Variants in GOLGA4 observed in about 807,000 individuals in gnomAD.
GOLGA4 encodes golgin subfamily A member 4.
In GOLGA4, 169 loss-of-function variants were observed where a neutral mutation model predicts 265.9. That is an observed-to-expected ratio of 0.64 (90% CI 0.56 to 0.72). The LOEUF (loss-of-function observed/expected upper bound fraction) is 0.72, where lower values mean the gene tolerates loss of function less well. Ranked by LOEUF, GOLGA4 falls within the 30% of genes least tolerant of loss-of-function variation. The pLI is 0.00. For synonymous variants in GOLGA4, 923 were observed against 855.8 expected (o/e 1.08, Z -1.37); for missense variants, 2,482 against 2,483.4 (o/e 1.00, Z 0.01).
intron 2 of GOLGA4, among the ~76,000 whole-genome samples, chr3:37,260,925 G>A (rs2096768062): frequency 6.6e-6 from 1 of 151,892 alleles, no homozygotes; most frequent in Non-Finnish European, 1.5e-5. Context: ...CCGGCAATTT[G>A]GGAGGCTGCA....
intron 2 of GOLGA4, among the ~76,000 whole-genome samples, chr3:37,258,046 C>CATATAT (rs201201581): frequency 2.6e-5 from 1 of 38,256 alleles, no homozygotes; most frequent in African/African-American, 1.3e-4. Flanking sequence ...TATATACATA[C>CATATAT]ATATATATAT....
chr3:37,276,567 A>G, intron 2 of GOLGA4: 1 of 1,594,104 alleles, frequency 6.3e-7, no homozygotes, highest in Non-Finnish European at 8.6e-7. Flanking sequence ...GTTGTCTGTA[A>G]TGAATGTGGA....
chr3:37,248,738 A>G (rs2096726237), intron 1 of GOLGA4, among the ~76,000 whole-genome samples: 1 of 152,084 alleles, frequency 6.6e-6, no homozygotes, highest in Non-Finnish European at 1.5e-5. Context: ...TTTTTTTGTC[A>G]GTTTCTCCAG....
intron 2 of GOLGA4, among the ~76,000 whole-genome samples, chr3:37,258,091 ATATATGCTC>A (rs1452772968): frequency 4.4e-5 from 6 of 135,098 alleles, no homozygotes; most frequent in Admixed American, 7.7e-5. Context: ...GTGTGTATAT[ATATATGCTC>A]TGTATATATA....
chr3:37,266,636 C>A (rs1044958909), intron 2 of GOLGA4, among the ~76,000 whole-genome samples: 3 of 152,162 alleles, frequency 2.0e-5, no homozygotes, highest in Non-Finnish European at 4.4e-5. Context: ...CTAAACTGAT[C>A]ACGCATCTCC....
intron 4 of GOLGA4, 126 bp downstream of exon 4, chr3:37,286,187 C>A (rs1466299917): frequency 7.8e-6 from 4 of 511,262 alleles, no homozygotes; most frequent in South Asian, 2.6e-5. Context: ...CGCTCTGTCG[C>A]CCAGGCTGGA....
chr3:37,360,915 G>T (rs1696203778), intron 22 of GOLGA4, among the ~76,000 whole-genome samples: 1 of 152,120 alleles, frequency 6.6e-6, no homozygotes, highest in South Asian at 2.1e-4. Context: ...TTATGAAAGA[G>T]ATCCTTTTGT....
intron 3 of GOLGA4, among the ~76,000 whole-genome samples, chr3:37,284,331 C>G (rs2096842488): frequency 1.3e-5 from 2 of 152,044 alleles, no homozygotes; most frequent in Admixed American, 6.5e-5. Flanking sequence ...GTGGCGTGAT[C>G]TCGGCTCACT....
intron 4 of GOLGA4, 55 bp downstream of exon 4, chr3:37,286,116 T>C (rs1269490452): frequency 6.6e-6 from 5 of 762,588 alleles, no homozygotes; most frequent in Non-Finnish European, 1.1e-5. Flanking sequence ...CAGAAAGATC[T>C]TATATAGTAA....
chr3:37,286,741 C>G (rs560416994), intron 4 of GOLGA4, among the ~76,000 whole-genome samples: 3 of 152,158 alleles, frequency 2.0e-5, no homozygotes, highest in Non-Finnish European at 2.9e-5. Flanking sequence ...TTTCCTTCTG[C>G]TTTTTAAATA....
intron 10 of GOLGA4, among the ~76,000 whole-genome samples, chr3:37,308,655 G>A (rs528756056): frequency 1.3e-4 from 20 of 151,190 alleles, no homozygotes; most frequent in African/African-American, 4.6e-4. Context: ...TCACTCTGTC[G>A]CCCAGGCTGG....
chr3:37,330,815 G>C (rs2096987564), intron 16 of GOLGA4, among the ~76,000 whole-genome samples: 1 of 152,084 alleles, frequency 6.6e-6, no homozygotes, highest in Non-Finnish European at 1.5e-5. Context: ...ATCACCTGAA[G>C]TCAGGAGTTC....
At position 37,250,270 on chromosome 3, in the gene GOLGA4, T is replaced by A. The variant is rs1040968202; in HGVS notation, c.73-1125T>A. 40 of 152,222 alleles carry A rather than the reference T, an allele frequency of 2.6e-4. 2 individuals are homozygous for A. Among genetic ancestry groups the A allele is most frequent in the Admixed American group, 2.0e-4 (3 of 15,278 alleles). The allele number at this position is 152,222 out of a possible 1,614,324, so 9.4% of individuals were successfully genotyped here. A position where few individuals can be genotyped will look rare whatever the true frequency, so the allele number is the denominator to read the frequency against. On this transcript the variant is annotated intron_variant, in intron 1 of 23. Coordinates refer to ENST00000361924, the MANE Select transcript of GOLGA4 (RefSeq NM_002078.5). ...ATTTTTTGTATTTCAATAAAAAAAA[T>A]TAAATCTTTAATATAGCTTAAGTAT...
chr3:37,325,248 A>G lies in GOLGA4; in HGVS notation c.3362A>G (p.His1121Arg), dbSNP rs767237586. The change falls in exon 14 of 24, where the codon CAT becomes CGT. Residue 1121 changes from histidine to arginine, a missense_variant. Coordinates refer to ENST00000361924, the MANE Select transcript of GOLGA4 (RefSeq NM_002078.5). ...LQEQLKQKSAHVNSLAQDETK... is the reference protein window; with the variant it reads ...LQEQLKQKSARVNSLAQDETK... ...GAACAGTTAAAGCAGAAGTCTGCCC[A>G]TGTGAATTCTCTTGCACAAGATGAA... is the stretch of plus-strand genomic sequence containing the variant. 7 of 1,613,166 alleles carry G rather than the reference A, an allele frequency of 4.3e-6. No individual in the cohort carries two copies. The South Asian group carries it at 5.5e-5, about 13-fold the overall frequency.
At chr3:37,361,643 A>G (rs1696281106) in intron 23 of GOLGA4, among the ~76,000 whole-genome samples, 1 of 152,228 alleles carries the variant, frequency 6.6e-6, no homozygotes. Flanking sequence ...GATCTTTGAA[A>G]TTATGATTGT....
chr3:37,364,673 A>G (rs1286395220), intron 23 of GOLGA4, among the ~76,000 whole-genome samples: 1 of 148,496 alleles, frequency 6.7e-6, no homozygotes, highest in African/African-American at 2.5e-5. Flanking sequence ...TGCAGCCTTG[A>G]CCTCCTGGGC....
Position 37,270,740 on chromosome 3 carries a change from T to C in GOLGA4, c.163-11218T>C, listed in dbSNP as rs1191695220. On this transcript the variant is annotated intron_variant, in intron 2 of 23. Transcript: ENST00000361924. ...TTTTATGCAATTGTCCCCAACCTTT[T>C]TGGGACCAGGGACTGGTTTCATGGA... is the stretch of plus-strand genomic sequence containing the variant. Among the ~76,000 whole-genome samples the C allele has an allele frequency of 5.9e-5, 9 of 152,280 alleles. No individual in the cohort carries two copies. The East Asian group carries it at 7.7e-4, about 13-fold the overall frequency.
At chr3:37,303,834 C>T (rs2096899442) in intron 10 of GOLGA4, among the ~76,000 whole-genome samples, 1 of 152,196 alleles carries the variant, frequency 6.6e-6, no homozygotes, top group African/African-American at 2.4e-5. Flanking sequence ...CTAGCCATTA[C>T]TTACTTTAGT....
At chr3:37,278,846 T>C (rs2096826875) in intron 2 of GOLGA4, among the ~76,000 whole-genome samples, 1 of 150,858 alleles carries the variant, frequency 6.6e-6, no homozygotes. Flanking sequence ...AGAGTCTCTC[T>C]GTGTCACCCA....
Sources: allele counts gnomAD v4.1 joint callset (sites outside exome capture counted in the v4.1 genomes callset), GRCh38; gene constraint gnomAD v4.1.1; transcripts MANE v1.5; gene names NCBI Gene and HGNC (gene_info 2026-07-23, HGNC 2026-07-21).